EPHA4: variants seen among roughly 807,000 people sequenced by gnomAD.
The protein encoded by EPHA4 is ephrin type-A receptor 4.
A neutral mutation model predicts 108.3 loss-of-function variants in EPHA4; 19 were observed. The observed-to-expected ratio is 0.18, with a 90% CI of 0.12 to 0.26. EPHA4 has a LOEUF of 0.26. EPHA4 is among the 10% of genes least tolerant of loss of function. EPHA4 has a pLI of 1.00. For synonymous variants in EPHA4, 449 were observed against 455.5 expected, an observed-to-expected ratio of 0.99 and a Z score of 0.18; for missense variants, 917 against 1,254.0, an observed-to-expected ratio of 0.73 and a Z score of 4.06.
chr2:221,557,840 C>T (rs898053761), intron 3 of EPHA4, among the ~76,000 whole-genome samples: 1 of 152,154 alleles, frequency 6.6e-6, no homozygotes, highest in Non-Finnish European at 1.5e-5. Context: ...CTAATGCTCC[C>T]CCCACTGACA....
intron 5 of EPHA4, among the ~76,000 whole-genome samples, chr2:221,470,232 T>C (rs1173671505): frequency 6.6e-6 from 1 of 151,962 alleles, no homozygotes; most frequent in African/African-American, 2.4e-5. Flanking sequence ...GTCCAAGTGT[T>C]GCTTGGCTTA....
intron 8 of EPHA4, among the ~76,000 whole-genome samples, chr2:221,449,215 C>T (rs1313028418): frequency 6.6e-6 from 1 of 152,168 alleles, no homozygotes; most frequent in Non-Finnish European, 1.5e-5. Context: ...TGCCTGTGTC[C>T]TGTTCTACCT....
At chr2:221,434,724 T>C (rs1242144811) in intron 13 of EPHA4, among the ~76,000 whole-genome samples, 1 of 152,202 alleles carries the variant, frequency 6.6e-6, no homozygotes, top group Non-Finnish European at 1.5e-5. Context: ...AATTTAAATA[T>C]GAACATTTCT....
chr2:221,471,308 A>G, intron 5 of EPHA4, among the ~76,000 whole-genome samples: 1 of 152,174 alleles, frequency 6.6e-6, no homozygotes, highest in Non-Finnish European at 1.5e-5. Context: ...GGCCTCTCTC[A>G]TGAACTCAAT....
intron 2 of EPHA4, among the ~76,000 whole-genome samples, chr2:221,566,944 G>GAGAAGGAGAAGGAGAAGGAGAAGA (rs1694676284): frequency 1.3e-4 from 1 of 7,690 alleles, no homozygotes; most frequent in Non-Finnish European, 2.6e-4. Flanking sequence ...GAAGGAGAAG[G>GAGAAGGAGAAGGAGAAGGAGAAGA]AGAAGGAGAA....
chr2:221,488,430 G>A (rs1319250337), intron 4 of EPHA4, among the ~76,000 whole-genome samples: 4 of 152,160 alleles, frequency 2.6e-5, no homozygotes, highest in African/African-American at 4.8e-5. Flanking sequence ...AATAAAATGA[G>A]ACATATGGCT....
chr2:221,562,700 T>C (rs1233830158), intron 3 of EPHA4, among the ~76,000 whole-genome samples: 3 of 152,214 alleles, frequency 2.0e-5, no homozygotes, highest in African/African-American at 7.2e-5. Flanking sequence ...ATAACTACAT[T>C]ATAAAAACAA....
Position 221,482,546 on chromosome 2 carries a change from C to A in EPHA4, c.1124G>T (p.Ser375Ile), listed in dbSNP as rs758033751. 1.1e-5 allele frequency: 18 copies of A among 1,613,956 alleles called. No individual in the cohort carries two copies. In the South Asian group the frequency reaches 2.0e-4, roughly 18 times the overall value. Residue 375 changes from serine to isoleucine, a missense_variant, in exon 5 of 18, where the codon AGC becomes ATC. Ser to Ile is a moderately radical substitution (Grantham distance 142, BLOSUM62 -2). Coordinates refer to ENST00000281821, the MANE Select transcript of EPHA4 (RefSeq NM_004438.5). Reference protein sequence around the residue: ...VCKKCGAGDPSKCRPCGSGVH... With the variant: ...VCKKCGAGDPIKCRPCGSGVH... ...CCCACTTCCACAGGGTCGGCACTTGCTGGGGTCACCAGCTCCACATTTCTT... is the reference window on the plus strand; with the variant it reads ...CCCACTTCCACAGGGTCGGCACTTGATGGGGTCACCAGCTCCACATTTCTT...
At position 221,526,772 on chromosome 2, in the gene EPHA4, G is replaced by C. The variant is rs181530521; in HGVS notation, c.824-25600C>G. Among the ~76,000 whole-genome samples the C allele has an allele frequency of 3.2e-3, 471 of 147,420 alleles. 6 individuals carry two copies. Among genetic ancestry groups the C allele is most frequent in the East Asian group, 0.024 (117 of 4,848 alleles). On this transcript the variant is annotated intron_variant, in intron 3 of 17. Transcript: ENST00000281821. ...TGAGGCAGGAGAATTGCTCGAACCC[G>C]GGAGGCAGAGGTTGCAGTGGGCCGA...
At chr2:221,444,680 T>C (rs1690532609) in intron 9 of EPHA4, among the ~76,000 whole-genome samples, 1 of 151,530 alleles carries the variant, frequency 6.6e-6, no homozygotes, top group Non-Finnish European at 1.5e-5. Context: ...TCACTTTATA[T>C]GCTATAGCCA....
Position 221,442,814 on chromosome 2 carries a change from G to A in EPHA4, c.2074+15C>T. 6.2e-7 allele frequency: 1 copy of A among 1,612,306 alleles called. No homozygotes were observed. The highest frequency in any genetic ancestry group is 8.5e-7 in the Non-Finnish European group (1 of 1,178,736). ...AACTTCTAGCTTGGCTTTGTAAAGG[G>A]GGTGACCCACGTACATTTAGTGACC... On this transcript the variant is annotated intron_variant, in intron 11 of 17. Transcript: ENST00000281821.
At chr2:221,466,833 G>C (rs1691327333) in intron 5 of EPHA4, among the ~76,000 whole-genome samples, 3 of 152,166 alleles carry the variant, frequency 2.0e-5, no homozygotes, top group South Asian at 2.1e-4. Context: ...TCTGGTCCTA[G>C]AGCCCTCATT....
intron 3 of EPHA4, among the ~76,000 whole-genome samples, chr2:221,513,680 A>C (rs981488086): frequency 6.6e-6 from 1 of 152,202 alleles, no homozygotes; most frequent in Non-Finnish European, 1.5e-5. Flanking sequence ...ATTTTCTGAA[A>C]GTTTTTGAGC....
chr2:221,524,344 T>C (rs1306506607), intron 3 of EPHA4, among the ~76,000 whole-genome samples: 3 of 152,214 alleles, frequency 2.0e-5, no homozygotes, highest in African/African-American at 7.2e-5. Context: ...ATCACCTATA[T>C]ACAGTCAAGA....
chr2:221,442,920 G>C lies in EPHA4; in HGVS notation c.1983C>G (p.Asp661Glu). ...AIKTLKAGYT[D>E]KQRRDFLSEA... is the part of the protein sequence containing the mutation. Reference sequence around the variant, plus strand: ...CACTCAGGAAGTCTCTCCTCTGTTTGTCTGTATAACCAGCTTTCAGAGTCT... The same window carrying C: ...CACTCAGGAAGTCTCTCCTCTGTTTCTCTGTATAACCAGCTTTCAGAGTCT... The change falls in exon 11 of 18, where the codon GAC becomes GAG. Residue 661 changes from aspartate (D) to glutamate (E), a missense_variant. By Grantham distance (45) the Asp-to-Glu change is conservative. Transcript: ENST00000281821. 1 of 1,614,122 alleles carries C rather than the reference G, an allele frequency of 6.2e-7. No homozygotes were observed. The highest frequency in any genetic ancestry group is 8.5e-7 in the Non-Finnish European group (1 of 1,180,016).
intron 5 of EPHA4, among the ~76,000 whole-genome samples, chr2:221,478,816 GC>G (rs1691734106): frequency 1.6e-5 from 2 of 124,136 alleles, no homozygotes; most frequent in Admixed American, 7.8e-5. Flanking sequence ...GCTGCAGGTA[GC>G]CAGCTGGGCT....
At chr2:221,572,513 C>CT (rs1694880211), upstream of EPHA4, 1 of 130,592 alleles carries the variant, frequency 7.7e-6, no homozygotes, top group Non-Finnish European at 1.2e-5. Context: ...GCGAGCACGG[C>CT]CGGTCCCCGC....
intron 4 of EPHA4, among the ~76,000 whole-genome samples, chr2:221,495,700 C>A (rs186647558): frequency 1.3e-5 from 2 of 152,294 alleles, no homozygotes; most frequent in African/African-American, 4.8e-5. Context: ...TTAAGCTCTC[C>A]AGCAGCGTCA....
At chr2:221,568,498 T>C (rs1321343891) in intron 2 of EPHA4, among the ~76,000 whole-genome samples, 1 of 152,164 alleles carries the variant, frequency 6.6e-6, no homozygotes, top group East Asian at 1.9e-4. Flanking sequence ...TCTCCTAATT[T>C]TGAAACCCCT....
Sources: allele counts gnomAD v4.1 joint callset (sites outside exome capture counted in the v4.1 genomes callset), GRCh38; gene constraint gnomAD v4.1.1; transcripts MANE v1.5; gene names NCBI Gene and HGNC (gene_info 2026-07-23, HGNC 2026-07-21).